The following PLEKHG1 variants were observed in gnomAD, a reference collection of about 807,000 sequenced individuals.
The protein encoded by PLEKHG1 is pleckstrin homology and RhoGEF domain containing G1, also known as pleckstrin homology domain-containing family G member 1.
PLEKHG1 carries 44 observed loss-of-function variants against 100.8 expected under a neutral mutation model. That is an observed-to-expected ratio of 0.44 (90% CI 0.34 to 0.56). The LOEUF (loss-of-function observed/expected upper bound fraction) is 0.56. PLEKHG1 is among the 20% of genes least tolerant of loss of function. The pLI, the probability that PLEKHG1 is intolerant of heterozygous loss-of-function variation, is 0.01. For synonymous variants in PLEKHG1, 640 were observed against 662.5 expected, an observed-to-expected ratio of 0.97 and a Z score of 0.52; for missense variants, 1,545 against 1,720.9, an observed-to-expected ratio of 0.90 and a Z score of 1.81.
intron 2 of PLEKHG1, among the ~76,000 whole-genome samples, chr6:150,641,875 GCAAA>G: frequency 1.0e-4 from 1 of 9,698 alleles, no homozygotes; most frequent in Non-Finnish European, 2.2e-4. Flanking sequence ...ATGTGAAAAG[GCAAA>G]AAAAAAAAAA....
chr6:150,773,436 A>G (rs908659636), intron 3 of PLEKHG1, among the ~76,000 whole-genome samples: 3 of 152,232 alleles, frequency 2.0e-5, no homozygotes, highest in Non-Finnish European at 2.9e-5. Context: ...CAGGAGGCTG[A>G]GGCAGGAGAA....
chr6:150,806,859 A>G (rs117756969), intron 7 of PLEKHG1, among the ~76,000 whole-genome samples: 6,694 of 151,746 alleles, frequency 0.044, 238 homozygotes, highest in African/African-American at 0.094. Flanking sequence ...AAATGAAATG[A>G]AAAATTCTGG....
At chr6:150,648,541 G>A (rs1778589709) in intron 2 of PLEKHG1, among the ~76,000 whole-genome samples, 1 of 152,042 alleles carries the variant, frequency 6.6e-6, no homozygotes, top group African/African-American at 2.4e-5. Flanking sequence ...AATATTTATA[G>A]AATAAACCTT....
At chr6:150,700,047 T>G (rs1780703429) in intron 3 of PLEKHG1, among the ~76,000 whole-genome samples, 1 of 152,092 alleles carries the variant, frequency 6.6e-6, no homozygotes, top group African/African-American at 2.4e-5. Context: ...TTCAAATTGG[T>G]TTTGCGCTGG....
At chr6:150,815,787 A>G (rs1787833192) in intron 10 of PLEKHG1, among the ~76,000 whole-genome samples, 1 of 152,202 alleles carries the variant, frequency 6.6e-6, no homozygotes, top group Non-Finnish European at 1.5e-5. Context: ...TTTAAAAGTT[A>G]TTTTTAGCAT....
At chr6:150,829,939 C>G (rs1776819061) in intron 14 of PLEKHG1, among the ~76,000 whole-genome samples, 1 of 152,140 alleles carries the variant, frequency 6.6e-6, no homozygotes, top group Non-Finnish European at 1.5e-5. Flanking sequence ...CCTAAAGCTC[C>G]TTAGAAAGTC....
intron 4 of PLEKHG1, among the ~76,000 whole-genome samples, chr6:150,790,042 C>A (rs531902206): frequency 1.2e-4 from 19 of 152,066 alleles, no homozygotes; most frequent in Non-Finnish European, 2.5e-4. Context: ...CTTCTTGATA[C>A]AGAGTTTCGC....
intron 2 of PLEKHG1, among the ~76,000 whole-genome samples, chr6:150,765,497 GA>G (rs10687014): frequency 2.0e-4 from 29 of 145,910 alleles, no homozygotes; most frequent in South Asian, 1.3e-3. Flanking sequence ...CTGTCTCAAA[GA>G]AAAAAAAAAA....
At chr6:150,823,116 A>G (rs1054040029) in intron 13 of PLEKHG1, among the ~76,000 whole-genome samples, 3 of 152,296 alleles carry the variant, frequency 2.0e-5, no homozygotes, top group Admixed American at 2.0e-4. Flanking sequence ...AGGACTTCAT[A>G]TGCTTCCGTA....
At chr6:150,739,697 T>C (rs1782751386) in intron 2 of PLEKHG1, among the ~76,000 whole-genome samples, 1 of 151,444 alleles carries the variant, frequency 6.6e-6, no homozygotes, top group African/African-American at 2.4e-5. Context: ...AAAAAAACCA[T>C]AAGTATTCTA....
intron 7 of PLEKHG1, 143 bp downstream of exon 8, chr6:150,804,884 C>A: frequency 1.6e-6 from 1 of 639,664 alleles, no homozygotes; most frequent in Non-Finnish European, 2.6e-6. Flanking sequence ...TTCAGGACAT[C>A]AGTAATACCC....
At chr6:150,745,419 A>G (rs1307316991) in intron 2 of PLEKHG1, among the ~76,000 whole-genome samples, 3 of 152,184 alleles carry the variant, frequency 2.0e-5, no homozygotes, top group African/African-American at 7.2e-5. Context: ...ACAGTGGCTC[A>G]TGCCTGTGGC....
At chr6:150,777,355 C>T (rs1004173995) in intron 3 of PLEKHG1, among the ~76,000 whole-genome samples, 1 of 149,610 alleles carries the variant, frequency 6.7e-6, no homozygotes, top group Non-Finnish European at 1.5e-5. Flanking sequence ...TCCTGGTGCA[C>T]ATGTGCGGTT....
chr6:150,822,222 T>C (rs1048137261), intron 13 of PLEKHG1, among the ~76,000 whole-genome samples: 10 of 128,960 alleles, frequency 7.8e-5, no homozygotes, highest in African/African-American at 2.9e-4. Flanking sequence ...GCAATAAAAA[T>C]TTTAAATGGC....
rs1372702306 is a variant in PLEKHG1 at position 150,683,245 on chromosome 6, A to G, written c.-99+32459A>G. On this transcript the variant is annotated intron_variant, in intron 3 of 3. Coordinates refer to the PLEKHG1 transcript ENST00000367326. The surrounding 1 kb of genome is among the most constrained non-coding windows in gnomAD (Gnocchi z 4.0). ...AGTTGTCAACTCGTCATGATAGGACATTAGCAACAAACACCCATGAACGAA... is the reference window on the plus strand; with the variant it reads ...AGTTGTCAACTCGTCATGATAGGACGTTAGCAACAAACACCCATGAACGAA... Among the ~76,000 whole-genome samples the G allele has an allele frequency of 6.6e-6, 1 of 152,242 alleles. No individual in the cohort carries two copies. Among genetic ancestry groups the G allele is most frequent in the Non-Finnish European group, 1.5e-5 (1 of 68,040 alleles).
At chr6:150,727,722 G>T (rs1050639719) in intron 1 of PLEKHG1, among the ~76,000 whole-genome samples, 2 of 152,156 alleles carry the variant, frequency 1.3e-5, no homozygotes, top group Non-Finnish European at 2.9e-5. Flanking sequence ...CCACCTCCAG[G>T]TTTACCAAAG....
intron 13 of PLEKHG1, among the ~76,000 whole-genome samples, chr6:150,822,128 A>G (rs943833246): frequency 8.0e-6 from 1 of 125,494 alleles, no homozygotes; most frequent in African/African-American, 3.0e-5. Flanking sequence ...GGCGTGAGCC[A>G]CCACGCCCAG....
At chr6:150,732,656 C>T (rs567561199) in intron 1 of PLEKHG1, among the ~76,000 whole-genome samples, 27 of 152,348 alleles carry the variant, frequency 1.8e-4, no homozygotes, top group African/African-American at 6.3e-4. Flanking sequence ...CTTGCTCTGT[C>T]GCCCAGGCTG....
At chr6:150,634,088 CA>C (rs151328669) in intron 1 of PLEKHG1, among the ~76,000 whole-genome samples, 17 of 149,476 alleles carry the variant, frequency 1.1e-4, no homozygotes, top group Admixed American at 5.3e-4. Context: ...CTAACAACAA[CA>C]AAAAAAAATC....
Sources: gnomAD v4.1 joint callset for allele counts (sites outside exome capture counted in the v4.1 genomes callset) on GRCh38, gnomAD v4.1.1 for gene constraint, Gnocchi (gnomAD v3.1) non-coding constraint, MANE v1.5 for transcripts, NCBI Gene and HGNC (gene_info 2026-07-23, HGNC 2026-07-21) for gene names.